Variants in NR6A1 observed in about 807,000 individuals in gnomAD.
NR6A1 encodes the protein retinoic acid receptor-related testis-associated receptor.
In NR6A1, 7 loss-of-function variants were observed where a neutral mutation model predicts 59.1. That is an observed-to-expected ratio of 0.12 (90% CI 0.07 to 0.22). NR6A1 has a LOEUF of 0.22. Among genes scored for constraint, NR6A1 ranks in the 10% least tolerant of loss-of-function variants. NR6A1 has a pLI of 1.00. For missense variants in NR6A1, 468 were observed against 611.6 expected (o/e 0.77, Z 2.48); for synonymous variants, 243 against 236.1 (o/e 1.03, Z -0.27).
At chr9:124,571,979 TC>T (rs1242823579) in intron 2 of NR6A1, among the ~76,000 whole-genome samples, 5 of 150,402 alleles carry the variant, frequency 3.3e-5, no homozygotes, top group African/African-American at 1.2e-4. Flanking sequence ...TATTTAGAGA[TC>T]AGGAAGAACA....
chr9:124,524,687 G>A (rs1456438157), intron 9 of NR6A1, 34 bp downstream of exon 9: 2 of 1,605,922 alleles, frequency 1.2e-6, no homozygotes, highest in South Asian at 1.1e-5. Context: ...AGAGAAGCAA[G>A]GAAGGGTTGG....
intron 1 of NR6A1, among the ~76,000 whole-genome samples, chr9:124,748,437 A>G (rs2131165972): frequency 6.6e-6 from 1 of 152,302 alleles, no homozygotes; most frequent in South Asian, 2.1e-4. Flanking sequence ...AATCTCTTCC[A>G]TCCCACTGTA....
chr9:124,712,832 C>T (rs2416949), intron 2 of NR6A1, among the ~76,000 whole-genome samples: 71,771 of 151,930 alleles, frequency 0.47, 17,264 homozygotes, highest in Admixed American at 0.59. Flanking sequence ...CATATTAAGT[C>T]TAAACAATCT....
At chr9:124,660,273 A>C (rs2130939912) in intron 2 of NR6A1, among the ~76,000 whole-genome samples, 1 of 152,346 alleles carries the variant, frequency 6.6e-6, no homozygotes, top group South Asian at 2.1e-4. Context: ...AGCTAGCCTT[A>C]TTTTGGGGGT....
rs78432505 is a variant in NR6A1 at position 124,649,233 on chromosome 9, C to CAAAA, written c.142+84071_142+84074dup. On this transcript the variant is annotated intron_variant, in intron 2 of 9. Transcript: ENST00000487099. ...ATAGTAAGAAAGTGTGGTACTGGCA[C>CAAAA]AAAAAAAAAAAAAAAAAAAAAAGAC... 1.5e-3 allele frequency among the ~76,000 whole-genome samples: 61 copies of CAAAA among 41,304 alleles called. 1 individual carries two copies. The highest frequency in any genetic ancestry group is 3.9e-3 in the African/African-American group (42 of 10,798). 27.1% of individuals were successfully genotyped at this position (41,304 alleles called of 152,430 possible). A position where few individuals can be genotyped will look rare whatever the true frequency, so the allele number is the denominator to read the frequency against.
At chr9:124,738,180 G>A (rs1461024088) in intron 1 of NR6A1, among the ~76,000 whole-genome samples, 2 of 151,648 alleles carry the variant, frequency 1.3e-5, no homozygotes, top group African/African-American at 4.8e-5. Flanking sequence ...CTTTAACCTG[G>A]GAGGCGGAGG....
intron 2 of NR6A1, among the ~76,000 whole-genome samples, chr9:124,567,072 C>T (rs1203617681): frequency 1.3e-5 from 2 of 150,602 alleles, no homozygotes; most frequent in Non-Finnish European, 3.0e-5. Flanking sequence ...CCCGCCACTG[C>T]ACTCCAGCCT....
At chr9:124,581,898 G>T (rs570203551) in intron 2 of NR6A1, among the ~76,000 whole-genome samples, 1 of 152,250 alleles carries the variant, frequency 6.6e-6, no homozygotes, top group South Asian at 2.1e-4. Context: ...AGTCAGAATG[G>T]CAATTATTAA....
At chr9:124,689,436 GAAT>G (rs1201717507) in intron 2 of NR6A1, among the ~76,000 whole-genome samples, 3 of 152,036 alleles carry the variant, frequency 2.0e-5, no homozygotes, top group Admixed American at 6.6e-5. Flanking sequence ...GAAGGCCAAA[GAAT>G]CATCCAATTT....
chr9:124,554,677 G>T, intron 2 of NR6A1, 107 bp from the exon 3 acceptor site: 1 of 1,430,550 alleles, frequency 7.0e-7, no homozygotes, highest in African/African-American at 1.4e-5. Flanking sequence ...CTATCTCCAG[G>T]CTAAAGGGCA....
intron 1 of NR6A1, among the ~76,000 whole-genome samples, chr9:124,764,205 A>C (rs1225847890): frequency 6.6e-6 from 1 of 152,124 alleles, no homozygotes. Flanking sequence ...AAAGAAAAGA[A>C]AAAACTATCT....
At chr9:124,694,499 C>T (rs556135559) in intron 2 of NR6A1, among the ~76,000 whole-genome samples, 92 of 152,244 alleles carry the variant, frequency 6.0e-4, no homozygotes, top group African/African-American at 2.1e-3. Flanking sequence ...AACTATGAGG[C>T]TCATTCATTC....
chr9:124,563,345 T>C (rs1444114894), intron 2 of NR6A1, among the ~76,000 whole-genome samples: 1 of 152,238 alleles, frequency 6.6e-6, no homozygotes, highest in Non-Finnish European at 1.5e-5. Flanking sequence ...AGTGGAGTAC[T>C]GGATCACAAT....
chr9:124,694,559 T>C (rs745640379), intron 2 of NR6A1, among the ~76,000 whole-genome samples: 4 of 152,326 alleles, frequency 2.6e-5, no homozygotes, highest in African/African-American at 7.2e-5. Flanking sequence ...CTAAGTGAGA[T>C]AGAAGATGTA....
chr9:124,582,837 G>A (rs536231933), intron 2 of NR6A1, among the ~76,000 whole-genome samples: 12 of 152,298 alleles, frequency 7.9e-5, no homozygotes, highest in African/African-American at 2.2e-4. Context: ...GCAGTGAGCT[G>A]AGATTGCATA....
At chr9:124,735,096 C>T (rs879395629) in intron 1 of NR6A1, among the ~76,000 whole-genome samples, 1 of 152,144 alleles carries the variant, frequency 6.6e-6, no homozygotes. Context: ...TGACCACCTT[C>T]GCCTCCCAAA....
intron 8 of NR6A1, 142 bp downstream of exon 8, chr9:124,526,637 A>G (rs1832946753): frequency 8.0e-7 from 1 of 1,245,538 alleles, no homozygotes; most frequent in Non-Finnish European, 1.1e-6. Context: ...GGGGTGCACA[A>G]GTCTTCCTGG....
intron 2 of NR6A1, among the ~76,000 whole-genome samples, chr9:124,728,024 GTATT>G (rs946066779): frequency 6.9e-5 from 10 of 145,258 alleles, no homozygotes; most frequent in Middle Eastern, 3.9e-3. Context: ...TTTTATTTTT[GTATT>G]TATTTATTTT....
At chr9:124,759,553 C>G (rs1339254391) in intron 1 of NR6A1, among the ~76,000 whole-genome samples, 1 of 152,180 alleles carries the variant, frequency 6.6e-6, no homozygotes, top group Non-Finnish European at 1.5e-5. Context: ...AAGCAAAAGG[C>G]TCATATTCCT....
Sources: allele counts gnomAD v4.1 joint callset (sites outside exome capture counted in the v4.1 genomes callset), GRCh38; gene constraint gnomAD v4.1.1; transcripts MANE v1.5; gene names NCBI Gene and HGNC (gene_info 2026-07-23, HGNC 2026-07-21).